Variants in GSE1 observed in about 807,000 individuals in gnomAD.
The protein encoded by GSE1 is genetic suppressor element 1.
Under a neutral mutation model 112.6 loss-of-function variants are expected in GSE1, and 32 were observed. The ratio of observed to expected loss-of-function variants is 0.28; its 90% CI spans 0.21 to 0.38. GSE1 has a LOEUF of 0.38. GSE1 is among the 10% of genes least tolerant of loss of function. GSE1 has a pLI of 1.00. For missense variants in GSE1, 2,348 were observed against 1,699.2 expected (o/e 1.38, Z -6.71); for synonymous variants, 1,115 against 735.6 (o/e 1.52, Z -8.35).
chr16:85,333,399 C>A (rs755052964), intron 1 of GSE1, among the ~76,000 whole-genome samples: 1 of 152,164 alleles, frequency 6.6e-6, no homozygotes, highest in Admixed American at 6.5e-5. Context: ...GCCCACCAGG[C>A]TTCCCTTCCA....
At chr16:85,585,627 C>T (rs2046656651) in intron 1 of GSE1, among the ~76,000 whole-genome samples, 1 of 152,234 alleles carries the variant, frequency 6.6e-6, no homozygotes, top group Non-Finnish European at 1.5e-5. Flanking sequence ...CCCATCATTG[C>T]AGTCTGCTGC....
At chr16:85,223,148 A>G (rs192727261) in intron 1 of GSE1, among the ~76,000 whole-genome samples, 44 of 152,218 alleles carry the variant, frequency 2.9e-4, no homozygotes, top group Admixed American at 7.8e-4. Flanking sequence ...CTTCAAGCCT[A>G]TGGTTATTAT....
intron 2 of GSE1, chr16:85,359,242 T>G: frequency 2.7e-6 from 1 of 370,212 alleles, no homozygotes; most frequent in Non-Finnish European, 5.4e-6. Context: ...CGGGTGCCCC[T>G]GTTTGGCGAT....
chr16:85,643,967 A>G (rs2050647677), intron 2 of GSE1, among the ~76,000 whole-genome samples: 1 of 151,294 alleles, frequency 6.6e-6, no homozygotes, highest in African/African-American at 2.4e-5. Context: ...TCCCCTACTC[A>G]CAGCTACTGG....
chr16:85,292,833 G>T (rs1026283424), intron 1 of GSE1, among the ~76,000 whole-genome samples: 5 of 152,212 alleles, frequency 3.3e-5, no homozygotes, highest in Non-Finnish European at 7.3e-5. Context: ...CGTCACCTCT[G>T]TGTGGTCCCA....
At chr16:85,387,374 A>AC (rs982508027) in intron 2 of GSE1, among the ~76,000 whole-genome samples, 3 of 150,244 alleles carry the variant, frequency 2.0e-5, no homozygotes, top group Admixed American at 6.6e-5. Context: ...CCCCTCCTCA[A>AC]CCCCCCACGC....
intron 2 of GSE1, among the ~76,000 whole-genome samples, chr16:85,635,447 G>A (rs1259758257): frequency 6.6e-6 from 1 of 152,346 alleles, no homozygotes; most frequent in African/African-American, 2.4e-5. Context: ...AGGCCGGACA[G>A]CTGCAGGCAA....
intron 1 of GSE1, among the ~76,000 whole-genome samples, chr16:85,342,470 C>G (rs544919043): frequency 6.6e-6 from 1 of 152,124 alleles, no homozygotes; most frequent in African/African-American, 2.4e-5. Context: ...CATTGTGTCA[C>G]GCTCATCTGC....
intron 1 of GSE1, among the ~76,000 whole-genome samples, chr16:85,308,527 C>T (rs569568457): frequency 6.6e-6 from 1 of 152,150 alleles, no homozygotes; most frequent in Non-Finnish European, 1.5e-5. Context: ...TCCTCGGGGA[C>T]TTCGAAAGGA....
intron 1 of GSE1, among the ~76,000 whole-genome samples, chr16:85,253,595 T>C (rs951835366): frequency 1.3e-5 from 2 of 152,190 alleles, no homozygotes; most frequent in African/African-American, 4.8e-5. Context: ...GGGTGGGCTA[T>C]GGCACAGTGT....
At chr16:85,671,174 G>GAGCACA in intron 15 of GSE1, 76 bp downstream of exon 15, 6 of 836,744 alleles carry the variant, frequency 7.2e-6, no homozygotes, top group East Asian at 5.0e-5. Context: ...ATGCAGATAA[G>GAGCACA]TTTCAGAGAG....
intron 2 of GSE1, among the ~76,000 whole-genome samples, chr16:85,388,292 G>GTGGATGGATGGATGGA (rs760888229): frequency 2.1e-5 from 1 of 47,628 alleles, no homozygotes; most frequent in Non-Finnish European, 3.8e-5. Flanking sequence ...GGATGGGTGG[G>GTGGATGGATGGATGGA]TGGATGGATG....
chr16:85,533,208 T>A (rs2044192471), intron 2 of GSE1, among the ~76,000 whole-genome samples: 1 of 149,226 alleles, frequency 6.7e-6, no homozygotes, highest in Non-Finnish European at 1.5e-5. Context: ...AAGTCAGGAG[T>A]TCGAGACCAG....
chr16:85,255,808 C>A (rs936067288), intron 1 of GSE1, among the ~76,000 whole-genome samples: 1 of 152,156 alleles, frequency 6.6e-6, no homozygotes, highest in Admixed American at 6.5e-5. Context: ...CCCACTTCAG[C>A]CTCCTGAACA....
intron 2 of GSE1, among the ~76,000 whole-genome samples, chr16:85,435,149 A>G (rs2035486): frequency 0.38 from 57,416 of 149,354 alleles, 13,004 homozygotes; most frequent in African/African-American, 0.67. Flanking sequence ...GGTCAGGCAG[A>G]GGCCCAGGCA....
intron 1 of GSE1, among the ~76,000 whole-genome samples, chr16:85,339,088 C>T (rs2046567089): frequency 6.6e-6 from 1 of 152,186 alleles, no homozygotes; most frequent in African/African-American, 2.4e-5. Context: ...CTGCTCTCTT[C>T]CCCTGAACCT....
chr16:85,472,859 G>A (rs1320722320), intron 2 of GSE1, among the ~76,000 whole-genome samples: 3 of 152,244 alleles, frequency 2.0e-5, no homozygotes, highest in Non-Finnish European at 4.4e-5. Context: ...TGGTGGCAGG[G>A]GGCAGGGGCT....
At chr16:85,177,675 G>C (rs2074495290) in intron 1 of GSE1, among the ~76,000 whole-genome samples, 1 of 152,230 alleles carries the variant, frequency 6.6e-6, no homozygotes, top group Admixed American at 6.5e-5. Flanking sequence ...AACGTCTTGT[G>C]ATTTATTGGC....
chr16:85,170,100 C>T (rs2074334327), exon 1 of GSE1: 1 of 985,160 alleles, frequency 1.0e-6, no homozygotes, highest in Non-Finnish European at 1.2e-6. Context: ...CGCGGGACGC[C>T]GCCAGCCCCC....
Sources: gnomAD v4.1 joint callset for allele counts (sites outside exome capture counted in the v4.1 genomes callset) on GRCh38, gnomAD v4.1.1 for gene constraint, MANE v1.5 for transcripts, NCBI Gene and HGNC (gene_info 2026-07-23, HGNC 2026-07-21) for gene names.